The following PLEKHG5 variants were observed in gnomAD, a reference collection of about 807,000 sequenced individuals.
PLEKHG5 encodes the protein pleckstrin homology and RhoGEF domain containing G5.
Under a neutral mutation model 103.8 loss-of-function variants are expected in PLEKHG5, and 52 were observed. The observed-to-expected ratio is 0.50, with a 90% CI of 0.40 to 0.63. The LOEUF (loss-of-function observed/expected upper bound fraction) is 0.63. Among genes scored for constraint, PLEKHG5 ranks in the 30% least tolerant of loss-of-function variants. The pLI is 0.00. For missense variants in PLEKHG5, 1,205 were observed against 1,347.6 expected (o/e 0.89, Z 1.66); for synonymous variants, 592 against 575.5 (o/e 1.03, Z -0.41).
chr1:6,489,651 A>G (rs1645108837), intron 1 of PLEKHG5, among the ~76,000 whole-genome samples: 1 of 152,218 alleles, frequency 6.6e-6, no homozygotes, highest in Admixed American at 6.5e-5. Context: ...GGTGCAACTT[A>G]GAAGCCTCCT....
At chr1:6,492,576 G>A (rs1645166635), upstream of PLEKHG5, among the ~76,000 whole-genome samples, 1 of 152,100 alleles carries the variant, frequency 6.6e-6, no homozygotes, top group African/African-American at 2.4e-5. Context: ...GTCTAGAGGT[G>A]ACTTTGTTAC....
At position 6,486,597 on chromosome 1, in the gene PLEKHG5, G is replaced by A. The variant is rs1234967271; in HGVS notation, c.-88+5040C>T. Among the ~76,000 whole-genome samples, 1 of 152,192 alleles carries A rather than the reference G, an allele frequency of 6.6e-6. No homozygotes were observed. The highest frequency in any genetic ancestry group is 2.4e-5 in the African/African-American group (1 of 41,448). ...TCAGGAAACCCTGGCGACCCACATG[G>A]CACAGCAGCCCAGGTCCCTGCAGTT... On this transcript the variant is annotated intron_variant, in intron 1 of 20. Coordinates refer to ENST00000377728, the MANE Select transcript of PLEKHG5 (RefSeq NM_020631.6). The surrounding 1 kb of genome is among the most constrained non-coding windows in gnomAD (Gnocchi z 5.3).
At chr1:6,514,647 G>A (rs1274978062) in intron 1 of PLEKHG5, among the ~76,000 whole-genome samples, 1 of 151,368 alleles carries the variant, frequency 6.6e-6, no homozygotes, top group African/African-American at 2.4e-5. Context: ...TGTAATCCCA[G>A]GTACTCGGGA....
chr1:6,499,199 T>C (rs1177930746), upstream of PLEKHG5, among the ~76,000 whole-genome samples: 1 of 152,176 alleles, frequency 6.6e-6, no homozygotes, highest in African/African-American at 2.4e-5. Flanking sequence ...AGCCCCGTAT[T>C]CTGAAGGCTC....
intron 5 of PLEKHG5, 128 bp from the exon 6 acceptor site, chr1:6,474,715 A>T (rs905897711): frequency 1.1e-6 from 1 of 895,050 alleles, no homozygotes; most frequent in Non-Finnish European, 1.7e-6. Context: ...CGGAAAAGGG[A>T]AGCCCGCATG....
chr1:6,497,434 GC>G, upstream of PLEKHG5: 1 of 819,058 alleles, frequency 1.2e-6, no homozygotes, highest in Non-Finnish European at 1.5e-6. This position sits in a 1 kb window ranked among gnomAD's most constrained non-coding sequence, Gnocchi z 6.1. Context: ...CGGGAGGCGG[GC>G]GGGGCAGGTG....
chr1:6,497,885 C>A (rs574415351), upstream of PLEKHG5, among the ~76,000 whole-genome samples: 75 of 152,268 alleles, frequency 4.9e-4, no homozygotes, highest in South Asian at 0.015. This position sits in a 1 kb window ranked among gnomAD's most constrained non-coding sequence, Gnocchi z 6.1. Flanking sequence ...GAGAAGTGCA[C>A]CTGTCCTGTG....
chr1:6,467,499 C>G lies in PLEKHG5; in HGVS notation c.*64G>C. On this transcript the variant is annotated 3_prime_UTR_variant, in exon 21 of 21. Coordinates refer to ENST00000377728, the MANE Select transcript of PLEKHG5 (RefSeq NM_020631.6). ...GCAGTAGCTGAAGCAGGTGCCGGCA[C>G]GCCCCAGGAGGCAGGCTGTCTGCTG... 1 of 1,536,784 alleles carries G rather than the reference C, an allele frequency of 6.5e-7. No homozygotes were observed. The highest frequency in any genetic ancestry group is 9.0e-7 in the Non-Finnish European group (1 of 1,110,426).
Position 6,477,512 on chromosome 1 carries a change from C to G in PLEKHG5, c.43+17G>C. On this transcript the variant is annotated intron_variant, in intron 2 of 20. Transcript: ENST00000377728. ...AGGAGCTCTGGGGGCCGAGCTGCGG[C>G]TCCCGCCTGTGCTCACCTTGTGGGG... 6.2e-7 allele frequency: 1 copy of G among 1,601,320 alleles called. No homozygotes were observed. Among genetic ancestry groups the G allele is most frequent in the Non-Finnish European group, 8.5e-7 (1 of 1,172,698 alleles).
At chr1:6,471,240 C>T in intron 12 of PLEKHG5, 140 bp from the exon 13 acceptor site, 1 of 814,892 alleles carries the variant, frequency 1.2e-6, no homozygotes, top group South Asian at 1.5e-5. Flanking sequence ...ATCCCTGTTT[C>T]CTGATGAGGA....
rs75081587 is a variant in PLEKHG5, at chr1:6,470,707, G to T, written c.1542+28C>A. On this transcript the variant is annotated intron_variant, in intron 14 of 20. Transcript: ENST00000377728. Reference sequence around the variant, plus strand: ...ACGGAGCAGAGAGCCGCGCAGGGGGGACGGCTCCCGCTGGCCATCAGGGTT... The same window carrying T: ...ACGGAGCAGAGAGCCGCGCAGGGGGTACGGCTCCCGCTGGCCATCAGGGTT... The T allele has an allele frequency of 3.1e-3, 4,790 of 1,551,338 alleles. 187 individuals carry two copies. In the East Asian group the frequency reaches 0.086, roughly 28 times the overall value.
At chr1:6,499,077 G>A (rs1033739650), upstream of PLEKHG5, among the ~76,000 whole-genome samples, 1 of 152,222 alleles carries the variant, frequency 6.6e-6, no homozygotes, top group Non-Finnish European at 1.5e-5. Context: ...TTCTCCAGCT[G>A]AGCAGGACAA....
intron 2 of PLEKHG5, among the ~76,000 whole-genome samples, chr1:6,476,728 G>A (rs900347069): frequency 3.3e-5 from 5 of 152,130 alleles, no homozygotes; most frequent in Non-Finnish European, 7.3e-5. Context: ...ATTCCCAAGG[G>A]GCCCTGGCAG....
At chr1:6,483,170 G>A (rs954198188) in intron 1 of PLEKHG5, among the ~76,000 whole-genome samples, 6 of 152,206 alleles carry the variant, frequency 3.9e-5, no homozygotes, top group African/African-American at 1.4e-4. Context: ...CATCTGACAG[G>A]AAAGGGAACA....
chr1:6,470,478 G>A lies in PLEKHG5; in HGVS notation c.1680+28C>T, dbSNP rs541867531. 13 of 1,610,636 alleles carry A rather than the reference G, an allele frequency of 8.1e-6. No individual in the cohort carries two copies. In the South Asian group the frequency reaches 1.2e-4, roughly 15 times the overall value. On this transcript the variant is annotated intron_variant, in intron 15 of 20. Coordinates refer to ENST00000377728, the MANE Select transcript of PLEKHG5 (RefSeq NM_020631.6). ...AGCTGGGCCTTCCTCTCTCCCAGCC[G>A]GCAACCCCCGCAGACACACACGCCC...
chr1:6,479,637 G>A (rs1644853232), intron 1 of PLEKHG5, among the ~76,000 whole-genome samples: 1 of 151,484 alleles, frequency 6.6e-6, no homozygotes, highest in African/African-American at 2.4e-5. Context: ...CTTCAAGACA[G>A]GGTCTCGCTC....
chr1:6,489,611 C>T (rs949350341), intron 1 of PLEKHG5, among the ~76,000 whole-genome samples: 4 of 152,218 alleles, frequency 2.6e-5, no homozygotes, highest in Non-Finnish European at 4.4e-5. Context: ...CGTGTGTCTT[C>T]GGAGCACCTG....
chr1:6,473,471 G>C lies in PLEKHG5; in HGVS notation c.592-17C>G. On this transcript the variant is annotated splice_polypyrimidine_tract_variant and intron_variant, in intron 7 of 20. Transcript: ENST00000377728. ...GCCAGGGGCCTGGTCAGGGAAGGGT[G>C]GTCAGGGCCGGGACCCCCTGCCAGC... The C allele has an allele frequency of 5.3e-6, 8 of 1,507,210 alleles. No homozygotes were observed. Among genetic ancestry groups the C allele is most frequent in the South Asian group, 1.3e-5 (1 of 79,144 alleles). The allele number at this position is 1,507,210 out of a possible 1,614,324, so 93.4% of individuals were successfully genotyped here.
rs753785032 is a variant in PLEKHG5, at chr1:6,473,999, C to G, written c.591+14G>C. The G allele has an allele frequency of 6.3e-7, 1 of 1,583,046 alleles. No homozygotes were observed. Among genetic ancestry groups the G allele is most frequent in the South Asian group, 1.1e-5 (1 of 87,412 alleles). ...CTTCCCACCCCCTCCCCTGACACAC[C>G]CCCTCCTCCTCACCAAGATGTCCAG... On this transcript the variant is annotated intron_variant, in intron 7 of 20. Coordinates refer to ENST00000377728, the MANE Select transcript of PLEKHG5 (RefSeq NM_020631.6).
Sources: allele counts gnomAD v4.1 joint callset (sites outside exome capture counted in the v4.1 genomes callset), GRCh38; gene constraint gnomAD v4.1.1; non-coding constraint Gnocchi (gnomAD v3.1); transcripts MANE v1.5; gene names NCBI Gene and HGNC (gene_info 2026-07-23, HGNC 2026-07-21).